TMEM132D: variants seen among roughly 807,000 people sequenced by gnomAD.
TMEM132D encodes mature OL transmembrane protein.
Under a neutral mutation model 62.3 loss-of-function variants are expected in TMEM132D, and 21 were observed. The observed-to-expected ratio is 0.34, with a 90% confidence interval of 0.24 to 0.49. The LOEUF (loss-of-function observed/expected upper bound fraction) is 0.49, where lower values mean the gene tolerates loss of function less well. TMEM132D is among the 20% of genes least tolerant of loss of function. TMEM132D has a pLI of 0.99. For missense variants in TMEM132D, 1,346 were observed against 1,402.8 expected, an observed-to-expected ratio of 0.96 and a Z score of 0.65; for synonymous variants, 621 against 575.6, an observed-to-expected ratio of 1.08 and a Z score of -1.13.
chr12:129,475,641 T>C (rs1874232183), intron 3 of TMEM132D, among the ~76,000 whole-genome samples: 2 of 152,244 alleles, frequency 1.3e-5, no homozygotes, highest in Non-Finnish European at 2.9e-5. Flanking sequence ...AATAACCTGC[T>C]TACATAATTC....
intron 2 of TMEM132D, among the ~76,000 whole-genome samples, chr12:129,663,180 C>G (rs1880286840): frequency 6.6e-6 from 1 of 152,142 alleles, no homozygotes; most frequent in Non-Finnish European, 1.5e-5. Flanking sequence ...ACTCATTACC[C>G]AGGCTAGAGT....
rs976196789 is a variant in TMEM132D, at chr12:129,147,293, T to A, written c.1443+62227A>T. ...ATATGTATATATATACATGTGCATA[T>A]GTATATATATACATATGTGTATATG... On this transcript the variant is annotated intron_variant, in intron 5 of 8. Coordinates refer to ENST00000422113, the MANE Select transcript of TMEM132D (RefSeq NM_133448.3). Among the ~76,000 whole-genome samples, 32 of 150,440 alleles carry A rather than the reference T, an allele frequency of 2.1e-4. No individual in the cohort carries two copies. In the East Asian group the frequency reaches 2.1e-3, roughly 10 times the overall value.
chr12:129,176,264 TG>T (rs1218397038), intron 5 of TMEM132D, among the ~76,000 whole-genome samples: 1 of 152,204 alleles, frequency 6.6e-6, no homozygotes, highest in African/African-American at 2.4e-5. Context: ...CCCTCACTGT[TG>T]GGATTATTAT....
At chr12:129,107,867 T>A (rs952572793) in intron 5 of TMEM132D, among the ~76,000 whole-genome samples, 6 of 93,446 alleles carry the variant, frequency 6.4e-5, no homozygotes, top group Admixed American at 3.8e-4. Context: ...TTTTTTTTTT[T>A]TTATTTGTAG....
At chr12:129,285,336 T>G (rs1008863241) in intron 4 of TMEM132D, among the ~76,000 whole-genome samples, 1 of 144,296 alleles carries the variant, frequency 6.9e-6, no homozygotes, top group East Asian at 2.1e-4. Flanking sequence ...CTGGCCAACA[T>G]AGTGAAACCC....
intron 4 of TMEM132D, among the ~76,000 whole-genome samples, chr12:129,317,252 T>C (rs368496758): frequency 6.6e-6 from 1 of 152,236 alleles, no homozygotes; most frequent in East Asian, 1.9e-4. Flanking sequence ...TGATTTATGC[T>C]TTAAAGAGGT....
At chr12:129,228,225 C>T (rs1879536443) in intron 4 of TMEM132D, among the ~76,000 whole-genome samples, 1 of 152,090 alleles carries the variant, frequency 6.6e-6, no homozygotes, top group African/African-American at 2.4e-5. Flanking sequence ...TCCAGTAATC[C>T]GGTGGGGAGT....
intron 5 of TMEM132D, among the ~76,000 whole-genome samples, chr12:129,189,179 C>A (rs7962320): frequency 2.0e-5 from 3 of 151,794 alleles, no homozygotes; most frequent in Admixed American, 6.5e-5. Context: ...TCCATGAAGC[C>A]GTTGGAGGGA....
At chr12:129,370,303 A>G (rs1331585702) in intron 3 of TMEM132D, among the ~76,000 whole-genome samples, 1 of 152,210 alleles carries the variant, frequency 6.6e-6, no homozygotes, top group Non-Finnish European at 1.5e-5. Context: ...ATGACAGTTA[A>G]TGATTTTTAA....
At chr12:129,477,648 G>A (rs919607127) in intron 3 of TMEM132D, among the ~76,000 whole-genome samples, 3 of 151,958 alleles carry the variant, frequency 2.0e-5, no homozygotes, top group Non-Finnish European at 2.9e-5. Context: ...GTGAAACCCC[G>A]TCTCTACTAA....
At chr12:129,624,397 G>C (rs902442394) in intron 2 of TMEM132D, among the ~76,000 whole-genome samples, 5 of 152,182 alleles carry the variant, frequency 3.3e-5, no homozygotes, top group Non-Finnish European at 1.5e-5. Context: ...CTTTTATGAA[G>C]AGCCAATTCA....
intron 1 of TMEM132D, among the ~76,000 whole-genome samples, chr12:129,876,817 C>T (rs534117929): frequency 3.2e-4 from 48 of 152,306 alleles, no homozygotes; most frequent in Admixed American, 1.4e-3. Context: ...CTCTCCTCTA[C>T]TGGAATTAGG....
chr12:129,556,905 G>T (rs1593065012), intron 2 of TMEM132D, among the ~76,000 whole-genome samples: 1 of 152,190 alleles, frequency 6.6e-6, no homozygotes, highest in African/African-American at 2.4e-5. Flanking sequence ...ACAAAACTTT[G>T]TATCCCCAGG....
intron 3 of TMEM132D, among the ~76,000 whole-genome samples, chr12:129,354,315 G>GTGTATA (rs1555250011): frequency 2.7e-5 from 4 of 147,948 alleles, no homozygotes; most frequent in Admixed American, 1.3e-4. Context: ...ACTTTATTGG[G>GTGTATA]TATATATATA....
chr12:129,874,416 T>C (rs1001860728), intron 1 of TMEM132D, among the ~76,000 whole-genome samples: 3 of 151,888 alleles, frequency 2.0e-5, no homozygotes, highest in Non-Finnish European at 4.4e-5. Context: ...TCTCAAAAAA[T>C]AAAAAATAAA....
At chr12:129,793,096 T>C (rs1178246784) in intron 1 of TMEM132D, among the ~76,000 whole-genome samples, 4 of 149,984 alleles carry the variant, frequency 2.7e-5, no homozygotes, top group African/African-American at 7.4e-5. Context: ...TTTAAAGAAA[T>C]AGAGACAGGG....
At chr12:129,206,094 T>C (rs1275270307) in intron 5 of TMEM132D, among the ~76,000 whole-genome samples, 2 of 151,954 alleles carry the variant, frequency 1.3e-5, no homozygotes, top group East Asian at 3.9e-4. Context: ...AAAACAAAAA[T>C]TGACAAACAG....
chr12:129,387,719 T>C (rs1049535183), intron 3 of TMEM132D, among the ~76,000 whole-genome samples: 1 of 146,994 alleles, frequency 6.8e-6, no homozygotes, highest in Non-Finnish European at 1.5e-5. Flanking sequence ...ATGATAATAT[T>C]AACACCAACA....
chr12:129,076,060 A>G (rs1020080888), intron 8 of TMEM132D, among the ~76,000 whole-genome samples: 4 of 151,642 alleles, frequency 2.6e-5, no homozygotes, highest in Non-Finnish European at 5.9e-5. Context: ...TAGAGCCATC[A>G]ATCTCAGCAA....
Sources: gnomAD v4.1 joint callset for allele counts (sites outside exome capture counted in the v4.1 genomes callset) on GRCh38, gnomAD v4.1.1 for gene constraint, MANE v1.5 for transcripts, NCBI Gene and HGNC (gene_info 2026-07-23, HGNC 2026-07-21) for gene names.